Variants in CDC20B observed in about 807,000 individuals in gnomAD.
CDC20B encodes cell division cycle 20B.
In CDC20B, 58 loss-of-function variants were observed where a neutral mutation model predicts 64.1. That is an observed-to-expected ratio of 0.90 (90% CI 0.73 to 1.13). The LOEUF is 1.13. Among genes scored for constraint, CDC20B ranks in the 50% most tolerant of loss-of-function variants. The pLI, the probability that CDC20B is intolerant of heterozygous loss-of-function variation, is 0.00. For synonymous variants in CDC20B, 243 were observed against 230.6 expected (o/e 1.05, Z -0.49); for missense variants, 597 against 633.0 (o/e 0.94, Z 0.61).
intron 2 of CDC20B, among the ~76,000 whole-genome samples, chr5:55,161,568 A>G (rs148309182): frequency 5.3e-5 from 8 of 152,340 alleles, no homozygotes; most frequent in African/African-American, 1.9e-4. Context: ...CCTCTCTTGT[A>G]ACTAGCATCT....
intron 5 of CDC20B, among the ~76,000 whole-genome samples, chr5:55,138,434 G>A (rs918000812): frequency 1.3e-5 from 2 of 152,042 alleles, no homozygotes. Context: ...TGCTAAGATT[G>A]CAGGCTTGAC....
chr5:55,120,302 C>T, intron 10 of CDC20B, 123 bp downstream of exon 10: 2 of 1,100,524 alleles, frequency 1.8e-6, no homozygotes, highest in Non-Finnish European at 2.6e-6. Context: ...CTCTTGAGAA[C>T]TCAAATTCCT....
At chr5:55,156,588 G>A (rs1265538055) in intron 2 of CDC20B, among the ~76,000 whole-genome samples, 1 of 152,056 alleles carries the variant, frequency 6.6e-6, no homozygotes, top group Non-Finnish European at 1.5e-5. Flanking sequence ...AAAAACATAA[G>A]TCACTGGCCA....
At chr5:55,160,884 C>T in intron 2 of CDC20B, 1 of 1,124,352 alleles carries the variant, frequency 8.9e-7, no homozygotes, top group African/African-American at 1.6e-5. Context: ...AAAAAAACAT[C>T]AATCAGAGGT....
rs555725932 is a variant in CDC20B, at chr5:55,172,977, G to C, written c.24C>G (p.Thr8=). 2.4e-5 allele frequency: 38 copies of C among 1,611,822 alleles called. No homozygotes were observed. Among genetic ancestry groups the C allele is most frequent in the Non-Finnish European group, 2.8e-5 (33 of 1,179,292 alleles). MEWKLER[T]APRRVRTEEE... is the part of the protein sequence containing the mutation. ...CTTCCGTGCGGACCCTCCGAGGCGC[G>C]GTGCGCTCCAGTTTCCACTCCATCT... Residue 8 remains threonine, a synonymous_variant, in exon 1 of 12, where the codon ACC becomes ACG. Coordinates refer to ENST00000381375, the MANE Select transcript of CDC20B (RefSeq NM_001170402.1).
At chr5:55,115,878 GCA>G (rs150038954) in intron 11 of CDC20B, among the ~76,000 whole-genome samples, 50 of 151,460 alleles carry the variant, frequency 3.3e-4, no homozygotes, top group Non-Finnish European at 6.8e-4. Flanking sequence ...GCATGCGCAA[GCA>G]CACACACACA....
chr5:55,151,614 T>C (rs926622624), intron 2 of CDC20B, among the ~76,000 whole-genome samples: 1 of 152,186 alleles, frequency 6.6e-6, no homozygotes, highest in African/African-American at 2.4e-5. Flanking sequence ...ACATGAGAAG[T>C]TGCACGTTAA....
chr5:55,149,627 T>C (rs1022635459), intron 2 of CDC20B, among the ~76,000 whole-genome samples: 3 of 152,216 alleles, frequency 2.0e-5, no homozygotes, highest in African/African-American at 2.4e-5. Flanking sequence ...TATTGTGTGA[T>C]TCCATCTATA....
chr5:55,153,374 G>A (rs1364762638), intron 2 of CDC20B, among the ~76,000 whole-genome samples: 1 of 151,952 alleles, frequency 6.6e-6, no homozygotes, highest in Non-Finnish European at 1.5e-5. Flanking sequence ...GTTCAAGTCT[G>A]TAGGGCCAAA....
At chr5:55,160,990 G>T in intron 2 of CDC20B, 1 of 1,583,732 alleles carries the variant, frequency 6.3e-7, no homozygotes, top group Non-Finnish European at 8.6e-7. Context: ...TCTTTTTCCG[G>T]GAGGTTTCAC....
intron 2 of CDC20B, chr5:55,164,341 G>A (rs980534636): frequency 2.7e-5 from 15 of 547,134 alleles, no homozygotes; most frequent in East Asian, 1.3e-4. Flanking sequence ...GCAGTAGTGC[G>A]TTCTCAGCTC....
At chr5:55,141,313 G>A (rs115462932) in intron 4 of CDC20B, among the ~76,000 whole-genome samples, 2 of 152,146 alleles carry the variant, frequency 1.3e-5, no homozygotes, top group Non-Finnish European at 2.9e-5. Context: ...CTCTGGGCAC[G>A]AGCAAGCCAA....
chr5:55,137,381 G>A (rs1743209022), intron 5 of CDC20B: 1 of 346,144 alleles, frequency 2.9e-6, no homozygotes, highest in Admixed American at 3.6e-5. Context: ...GCTGCCTGCT[G>A]TAAGGTTTCA....
chr5:55,172,424 G>A (rs1388044882), intron 2 of CDC20B, 164 bp downstream of exon 2: 1 of 584,052 alleles, frequency 1.7e-6, no homozygotes, highest in Non-Finnish European at 3.0e-6. Flanking sequence ...TATTTGTCTG[G>A]GATCTTCAGT....
intron 2 of CDC20B, chr5:55,160,999 A>G (rs774422724): frequency 2.5e-6 from 4 of 1,604,954 alleles, no homozygotes; most frequent in Non-Finnish European, 3.4e-6. Flanking sequence ...GGGAGGTTTC[A>G]CTAGTTGTAA....
intron 5 of CDC20B, chr5:55,137,176 CAAAAAA>C (rs56678420): frequency 1.0e-4 from 12 of 114,440 alleles, no homozygotes; most frequent in South Asian, 5.5e-4. Context: ...GACTCTGTCT[CAAAAAA>C]AAAAAAAAAA....
At position 55,146,827 on chromosome 5, in the gene CDC20B, A is replaced by C; in HGVS notation, c.156T>G (p.Ser52=). The change falls in exon 3 of 12, where the codon TCT becomes TCG. Residue 52 remains serine, a synonymous_variant. Transcript: ENST00000381375. ...NVLDSVNATY[S]DFKSNFAKRL... The stretch of plus-strand genomic sequence containing the variant: ...TCTTCGCAAAGTTGCTCTTAAAGTC[A>C]GAATACGTAGCATTAACTGAATCGA... 1 of 1,614,186 alleles carries C rather than the reference A, an allele frequency of 6.2e-7. No homozygotes were observed. The highest frequency in any genetic ancestry group is 8.5e-7 in the Non-Finnish European group (1 of 1,180,018).
chr5:55,116,905 GAAGTTTTTCTCTC>G (rs1388282403), intron 11 of CDC20B, among the ~76,000 whole-genome samples: 1 of 152,160 alleles, frequency 6.6e-6, no homozygotes, highest in Non-Finnish European at 1.5e-5. Flanking sequence ...AGACATTCTT[GAAGTTTTTCTCTC>G]ACATCAGTGA....
chr5:55,158,900 C>T (rs1198078608), intron 2 of CDC20B, among the ~76,000 whole-genome samples: 1 of 152,122 alleles, frequency 6.6e-6, no homozygotes, highest in Non-Finnish European at 1.5e-5. Context: ...AGATGACGTG[C>T]CCAAGTAGAG....
Sources: gnomAD v4.1 joint callset for allele counts (sites outside exome capture counted in the v4.1 genomes callset) on GRCh38, gnomAD v4.1.1 for gene constraint, MANE v1.5 for transcripts, NCBI Gene and HGNC (gene_info 2026-07-23, HGNC 2026-07-21) for gene names.